The following LSM12 variants were observed in gnomAD, a reference collection of about 807,000 sequenced individuals.
The protein encoded by LSM12 is protein LSM12.
For missense variants in LSM12, 108 were observed against 238.9 expected, an observed-to-expected ratio of 0.45 and a Z score of 3.61; for synonymous variants, 74 against 87.3, an observed-to-expected ratio of 0.85 and a Z score of 0.85.
chr17:44,037,684 A>G (rs1213811735), intron 3 of LSM12, 146 bp from the exon 4 acceptor site: 1 of 933,778 alleles, frequency 1.1e-6, no homozygotes, highest in Non-Finnish European at 1.5e-6. Context: ...CCCATATAGT[A>G]GCCAAGAAAC....
chr17:44,066,605 G>A lies in LSM12; in HGVS notation c.-18C>T, dbSNP rs1353490473. 13 of 1,344,444 alleles carry A rather than the reference G, an allele frequency of 9.7e-6. No homozygotes were observed. The highest frequency in any genetic ancestry group is 1.2e-5 in the Non-Finnish European group (13 of 1,044,350). 83.3% of individuals were successfully genotyped at this position (1,344,444 alleles called of 1,614,324 possible). On this transcript the variant is annotated 5_prime_UTR_variant, in exon 1 of 5. Coordinates refer to ENST00000293406, the MANE Select transcript of LSM12 (RefSeq NM_001371445.1). ...GCCGCCATCTTGGGAGTGCAGCCGC[G>A]GCCGGCGGCGGCGGCGGCAGCAGCG...
intron 2 of LSM12, among the ~76,000 whole-genome samples, chr17:44,042,805 G>C (rs1391723703): frequency 6.6e-6 from 1 of 152,138 alleles, no homozygotes; most frequent in Non-Finnish European, 1.5e-5. Context: ...CTGACCTCGT[G>C]ATCCACCCAC....
In LSM12 at chr17:44,064,977, CA is replaced by C. The variant is rs555826053; in HGVS notation, c.125-1044del. Among the ~76,000 whole-genome samples, 209 of 145,778 alleles carry C rather than the reference CA, an allele frequency of 1.4e-3. 1 individual carries two copies. The highest frequency in any genetic ancestry group is 8.3e-3 in the Middle Eastern group (2 of 240). On this transcript the variant is annotated intron_variant, in intron 1 of 4. Coordinates refer to ENST00000293406, the MANE Select transcript of LSM12 (RefSeq NM_001371445.1). ...TGAAACCCCGTCTCTACTAAAAATA[CA>C]AAAAATTAGCCGGGCACGGTGGCGT...
At chr17:44,040,413 G>A (rs1002986954) in intron 2 of LSM12, 157 bp from the exon 3 acceptor site, 10 of 583,844 alleles carry the variant, frequency 1.7e-5, no homozygotes, top group South Asian at 1.9e-5. Flanking sequence ...AAAAATCCAC[G>A]ACATACCTGA....
chr17:44,052,832 T>C lies in LSM12; in HGVS notation c.258+10969A>G, dbSNP rs936854069. 2.7e-5 allele frequency among the ~76,000 whole-genome samples: 4 copies of C among 150,824 alleles called. No homozygotes were observed. In the South Asian group the frequency reaches 6.2e-4, roughly 23 times the overall value. ...ATAAACGTATATTTTTATATAAATT[T>C]ACATAATTAATAAATAAATAAATCA... On this transcript the variant is annotated intron_variant, in intron 2 of 4. Transcript: ENST00000293406.
At chr17:44,055,408 T>C (rs1472666973) in intron 2 of LSM12, among the ~76,000 whole-genome samples, 3 of 148,826 alleles carry the variant, frequency 2.0e-5, no homozygotes, top group African/African-American at 5.0e-5. Flanking sequence ...ACACCTGTAA[T>C]ACCAGCACTT....
At chr17:44,063,234 T>TA (rs1567963462) in intron 2 of LSM12, among the ~76,000 whole-genome samples, 2 of 152,136 alleles carry the variant, frequency 1.3e-5, no homozygotes. Context: ...GTCTCACACA[T>TA]ACACACACAA....
chr17:44,066,733 C>A, upstream of LSM12: 1 of 1,054,090 alleles, frequency 9.5e-7, no homozygotes, highest in Non-Finnish European at 1.2e-6. Context: ...GGGGCGGGAT[C>A]CTAGGTGGAG....
intron 2 of LSM12, among the ~76,000 whole-genome samples, chr17:44,046,753 T>TC (rs1271392640): frequency 1.7e-5 from 2 of 117,992 alleles, no homozygotes; most frequent in African/African-American, 7.1e-5. Context: ...TTTTCTTTTT[T>TC]TTTTTCTTTT....
intron 2 of LSM12, among the ~76,000 whole-genome samples, chr17:44,044,319 A>G (rs1211771206): frequency 6.6e-6 from 1 of 152,150 alleles, no homozygotes; most frequent in Non-Finnish European, 1.5e-5. Context: ...CTGGTTATAG[A>G]ACAATGATTT....
intron 2 of LSM12, among the ~76,000 whole-genome samples, chr17:44,056,332 A>G (rs2049713998): frequency 6.7e-6 from 1 of 150,170 alleles, no homozygotes; most frequent in South Asian, 2.1e-4. Flanking sequence ...GGCTGGGCAC[A>G]GTAGCTCACT....
chr17:44,064,600 G>A (rs1329236977), intron 1 of LSM12, among the ~76,000 whole-genome samples: 2 of 152,092 alleles, frequency 1.3e-5, no homozygotes, highest in African/African-American at 2.4e-5. Context: ...GGGTGTGGTG[G>A]CACATGCCTG....
intron 3 of LSM12, among the ~76,000 whole-genome samples, chr17:44,038,889 A>T (rs1001200605): frequency 6.6e-5 from 10 of 152,178 alleles, no homozygotes; most frequent in African/African-American, 2.4e-4. Flanking sequence ...CCACAGCCTC[A>T]AACAGCTCTG....
At chr17:44,065,680 C>T (rs2049863713) in intron 1 of LSM12, among the ~76,000 whole-genome samples, 1 of 152,118 alleles carries the variant, frequency 6.6e-6, no homozygotes, top group Middle Eastern at 3.2e-3. Context: ...GCTGCTACTA[C>T]GTAAAAGGAC....
upstream of LSM12, chr17:44,066,710 C>T: frequency 1.7e-6 from 2 of 1,197,336 alleles, no homozygotes; most frequent in Non-Finnish European, 2.1e-6. Context: ...CGGGGCGTGG[C>T]CTGGCGCTGG....
intron 1 of LSM12, 108 bp from the exon 2 acceptor site, chr17:44,064,042 C>T: frequency 1.6e-6 from 2 of 1,276,680 alleles, no homozygotes; most frequent in South Asian, 3.0e-5. Flanking sequence ...AAAAGGCAGG[C>T]CAGGAGCATG....
At chr17:44,053,280 C>T (rs563053092) in intron 2 of LSM12, among the ~76,000 whole-genome samples, 1 of 152,312 alleles carries the variant, frequency 6.6e-6, no homozygotes, top group East Asian at 1.9e-4. Flanking sequence ...TACACATTGT[C>T]TAGGGCTGCT....
rs182982153 is a variant in LSM12 at position 44,036,401 on chromosome 17, G to C, written c.496-101C>G. ...TCCACAGCCCCATCCTGGCTGTCCA[G>C]CCCATTGGTGTCCAGGCACCTTTGC... is the stretch of plus-strand genomic sequence containing the variant. On this transcript the variant is annotated intron_variant, in intron 4 of 4. Transcript: ENST00000293406. 4.8e-6 allele frequency: 7 copies of C among 1,464,496 alleles called. No individual in the cohort carries two copies. In the African/African-American group the frequency reaches 6.9e-5, roughly 15 times the overall value. 90.7% of individuals were successfully genotyped at this position (1,464,496 alleles called of 1,614,324 possible). A position where few individuals can be genotyped will look rare whatever the true frequency, so the allele number is the denominator to read the frequency against.
At chr17:44,065,121 G>T (rs1451247617) in intron 1 of LSM12, among the ~76,000 whole-genome samples, 1 of 149,284 alleles carries the variant, frequency 6.7e-6, no homozygotes, top group Non-Finnish European at 1.5e-5. Context: ...CAATAAGAGT[G>T]AAACTCCGTC....
Sources: allele counts gnomAD v4.1 joint callset (sites outside exome capture counted in the v4.1 genomes callset), GRCh38; gene constraint gnomAD v4.1.1; transcripts MANE v1.5; gene names NCBI Gene and HGNC (gene_info 2026-07-23, HGNC 2026-07-21).